Variants in TMEM196 observed in about 807,000 individuals in gnomAD.
The protein encoded by TMEM196 is transmembrane protein 196.
Under a neutral mutation model 20.0 loss-of-function variants are expected in TMEM196, and 17 were observed. The observed-to-expected ratio is 0.85, with a 90% CI of 0.58 to 1.27. TMEM196 has a LOEUF of 1.27. Among genes scored for constraint, TMEM196 ranks in the 50% most tolerant of loss-of-function variants. TMEM196 has a pLI of 0.00. For missense variants in TMEM196, 267 were observed against 223.0 expected, an observed-to-expected ratio of 1.20 and a Z score of -1.26; for synonymous variants, 113 against 88.9, an observed-to-expected ratio of 1.27 and a Z score of -1.52.
At chr7:19,723,862 G>T (rs576848915) in intron 4 of TMEM196, among the ~76,000 whole-genome samples, 12 of 152,266 alleles carry the variant, frequency 7.9e-5, no homozygotes, top group East Asian at 5.8e-4. Context: ...TACCGTATTA[G>T]TGTCCAACTT....
chr7:19,771,420 T>A (rs1459469826), intron 1 of TMEM196, among the ~76,000 whole-genome samples: 1 of 152,110 alleles, frequency 6.6e-6, no homozygotes, highest in Non-Finnish European at 1.5e-5. Context: ...AAAGCAAAAT[T>A]TTGCCAGTTT....
intron 1 of TMEM196, among the ~76,000 whole-genome samples, chr7:19,734,635 G>A (rs748966692): frequency 3.3e-5 from 5 of 152,164 alleles, no homozygotes; most frequent in Non-Finnish European, 7.4e-5. Context: ...GAGAGGCAAA[G>A]GGGCTATGAG....
At chr7:19,735,597 T>C (rs2214552) in intron 1 of TMEM196, among the ~76,000 whole-genome samples, 77,661 of 151,986 alleles carry the variant, frequency 0.51, 22,173 homozygotes, top group East Asian at 0.91. Flanking sequence ...GGTAGAATTT[T>C]CCAGTTTGAA....
At chr7:19,723,561 C>T (rs1229948059) in intron 4 of TMEM196, among the ~76,000 whole-genome samples, 3 of 152,024 alleles carry the variant, frequency 2.0e-5, no homozygotes, top group Non-Finnish European at 2.9e-5. Flanking sequence ...AGTGAAAATT[C>T]GTTTTAAAAT....
At chr7:19,768,615 T>C (rs1785730455) in intron 1 of TMEM196, among the ~76,000 whole-genome samples, 6 of 152,118 alleles carry the variant, frequency 3.9e-5, no homozygotes. Context: ...TTTTACTCAA[T>C]AGTTTATTAA....
At chr7:19,771,395 TA>T (rs1308459996) in intron 1 of TMEM196, among the ~76,000 whole-genome samples, 2 of 152,134 alleles carry the variant, frequency 1.3e-5, no homozygotes, top group Non-Finnish European at 2.9e-5. Flanking sequence ...AAAAAATATA[TA>T]AATCTAATTA....
intron 1 of TMEM196, among the ~76,000 whole-genome samples, chr7:19,762,288 T>C (rs941359361): frequency 6.6e-6 from 1 of 152,040 alleles, no homozygotes; most frequent in African/African-American, 2.4e-5. Flanking sequence ...AAATTTGTGT[T>C]ATCTTAGTCA....
chr7:19,726,856 T>TC, intron 2 of TMEM196, among the ~76,000 whole-genome samples: 1 of 152,336 alleles, frequency 6.6e-6, no homozygotes. Context: ...TTTCCATTCT[T>TC]CTCGGGAACA....
At chr7:19,731,865 T>C (rs1291208916) in intron 1 of TMEM196, among the ~76,000 whole-genome samples, 1 of 152,226 alleles carries the variant, frequency 6.6e-6, no homozygotes, top group Non-Finnish European at 1.5e-5. Context: ...AGCAGATGAA[T>C]GTAAATACTC....
At chr7:19,745,904 C>G (rs1489433172) in intron 1 of TMEM196, among the ~76,000 whole-genome samples, 1 of 151,212 alleles carries the variant, frequency 6.6e-6, no homozygotes, top group Non-Finnish European at 1.5e-5. Flanking sequence ...TGATTGATAT[C>G]CAGATTTTAA....
At chr7:19,752,029 C>T (rs1310231139) in intron 1 of TMEM196, among the ~76,000 whole-genome samples, 3 of 152,150 alleles carry the variant, frequency 2.0e-5, no homozygotes, top group Non-Finnish European at 4.4e-5. Context: ...AGGAAGTCTT[C>T]GAAATGCTAC....
chr7:19,761,813 G>A (rs1272935194), intron 1 of TMEM196, among the ~76,000 whole-genome samples: 3 of 152,084 alleles, frequency 2.0e-5, no homozygotes, highest in Non-Finnish European at 4.4e-5. Context: ...AGAAATCCAA[G>A]TCCAAAAAAA....
Position 19,759,436 on chromosome 7 carries a change from C to G in TMEM196, c.147+13114G>C, listed in dbSNP as rs549069593. The stretch of plus-strand genomic sequence containing the variant: ...AAAAGCTTTATTTCGGTGGTGTCAA[C>G]CAAACATATGACCTTAAAAATATTT... On this transcript the variant is annotated intron_variant, in intron 1 of 4. Coordinates refer to ENST00000405844, the MANE Select transcript of TMEM196 (RefSeq NM_001363562.2). Among the ~76,000 whole-genome samples, 20 of 152,236 alleles carry G rather than the reference C, an allele frequency of 1.3e-4. No homozygotes were observed. In the South Asian group the frequency reaches 3.9e-3, roughly 30 times the overall value.
chr7:19,751,038 T>C (rs1026712451), intron 1 of TMEM196, among the ~76,000 whole-genome samples: 1 of 152,216 alleles, frequency 6.6e-6, no homozygotes, highest in African/African-American at 2.4e-5. Context: ...AAGGATGTCA[T>C]GATTATTTTT....
chr7:19,771,813 G>A (rs1461758363), intron 1 of TMEM196, among the ~76,000 whole-genome samples: 1 of 152,126 alleles, frequency 6.6e-6, no homozygotes, highest in Non-Finnish European at 1.5e-5. Flanking sequence ...AGATAACTAT[G>A]ACAGTTTCTC....
chr7:19,728,209 T>G (rs949091937), intron 2 of TMEM196, among the ~76,000 whole-genome samples: 6 of 152,116 alleles, frequency 3.9e-5, no homozygotes, highest in African/African-American at 1.4e-4. Context: ...TCTCTCTCTT[T>G]TTTCTCTTTC....
At chr7:19,742,940 AT>A in intron 1 of TMEM196, among the ~76,000 whole-genome samples, 1 of 152,210 alleles carries the variant, frequency 6.6e-6, no homozygotes, top group South Asian at 2.1e-4. Context: ...TTGTCTTTCC[AT>A]TCCCAGGTGT....
intron 1 of TMEM196, among the ~76,000 whole-genome samples, chr7:19,755,050 T>C (rs1785149643): frequency 6.6e-6 from 1 of 152,202 alleles, no homozygotes; most frequent in Non-Finnish European, 1.5e-5. Context: ...TGCTCAATCT[T>C]GGGTTATGGT....
intron 1 of TMEM196, among the ~76,000 whole-genome samples, chr7:19,748,638 A>G (rs1247018059): frequency 6.6e-6 from 1 of 152,204 alleles, no homozygotes; most frequent in Non-Finnish European, 1.5e-5. Context: ...GAAAGACTTC[A>G]GGAGGGAATA....
Sources: gnomAD v4.1 joint callset for allele counts (sites outside exome capture counted in the v4.1 genomes callset) on GRCh38, gnomAD v4.1.1 for gene constraint, MANE v1.5 for transcripts, NCBI Gene and HGNC (gene_info 2026-07-23, HGNC 2026-07-21) for gene names.